Variants in HBS1L observed in about 807,000 individuals in gnomAD.
The protein encoded by HBS1L is HBS1-like protein.
HBS1L carries 55 observed loss-of-function variants against 88.9 expected under a neutral mutation model. The observed-to-expected ratio is 0.62, with a 90% CI of 0.50 to 0.77. The LOEUF (loss-of-function observed/expected upper bound fraction) is 0.77. Among genes scored for constraint, HBS1L ranks in the 30% least tolerant of loss-of-function variants. The pLI is 0.00. For synonymous variants in HBS1L, 267 were observed against 288.5 expected (o/e 0.93, Z 0.76); for missense variants, 741 against 829.3 (o/e 0.89, Z 1.31).
chr6:135,007,918 A>ACTAATCT (rs1289283304), intron 4 of HBS1L, among the ~76,000 whole-genome samples: 1 of 152,180 alleles, frequency 6.6e-6, no homozygotes. Flanking sequence ...CTGCCCTACC[A>ACTAATCT]CTAATTAGCT....
chr6:135,011,442 C>T (rs1775770917), intron 4 of HBS1L, among the ~76,000 whole-genome samples: 1 of 152,080 alleles, frequency 6.6e-6, no homozygotes, highest in Admixed American at 6.5e-5. Flanking sequence ...ATCAATTGAG[C>T]CCTGGAGTTT....
chr6:134,969,091 G>A (rs1774406739), intron 16 of HBS1L, 147 bp downstream of exon 16: 1 of 605,776 alleles, frequency 1.7e-6, no homozygotes, highest in East Asian at 2.8e-5. Context: ...TTTTATGTTT[G>A]TTTTAATCTA....
At chr6:134,994,549 A>G (rs1184955208) in intron 7 of HBS1L, among the ~76,000 whole-genome samples, 2 of 152,118 alleles carry the variant, frequency 1.3e-5, no homozygotes, top group Non-Finnish European at 2.9e-5. Flanking sequence ...ATATTTGCAT[A>G]TACAAAATGA....
chr6:134,992,747 T>C (rs1775179646), intron 8 of HBS1L, among the ~76,000 whole-genome samples: 1 of 152,168 alleles, frequency 6.6e-6, no homozygotes, highest in Non-Finnish European at 1.5e-5. Flanking sequence ...ATTTAAATGT[T>C]TATAAAGTAA....
At chr6:135,045,863 A>G (rs1057065656) in intron 2 of HBS1L, among the ~76,000 whole-genome samples, 5 of 151,970 alleles carry the variant, frequency 3.3e-5, no homozygotes, top group African/African-American at 1.2e-4. Flanking sequence ...GATTCCCAGC[A>G]GATTCATATC....
At chr6:134,999,482 C>G (rs1167413620) in intron 5 of HBS1L, among the ~76,000 whole-genome samples, 1 of 145,040 alleles carries the variant, frequency 6.9e-6, no homozygotes. Flanking sequence ...GAGTCTCCCT[C>G]TATCACCCAG....
chr6:134,966,284 C>A, intron 17 of HBS1L, 45 bp downstream of exon 17: 1 of 1,509,276 alleles, frequency 6.6e-7, no homozygotes, highest in South Asian at 1.3e-5. Context: ...AAAGAAAAGG[C>A]ATCATAACTA....
rs1028917677 is a variant in HBS1L, at chr6:134,997,578, G to C, written c.618C>G (p.Ser206=). Residue 206 remains serine (S), a synonymous_variant, in exon 6 of 18, where the codon TCC becomes TCG. Transcript: ENST00000367837. ...GPPIEDAIAS[S]DVLETASKSA... ...ATTTAGAAGCAGTCTCAAGAACATCGGAAGAAGCAATGGCATCTTCAATGG... is the reference window on the plus strand; with the variant it reads ...ATTTAGAAGCAGTCTCAAGAACATCCGAAGAAGCAATGGCATCTTCAATGG... 2 of 1,613,784 alleles carry C rather than the reference G, an allele frequency of 1.2e-6. No individual in the cohort carries two copies. Among genetic ancestry groups the C allele is most frequent in the African/African-American group, 2.7e-5 (2 of 74,862 alleles).
In HBS1L at chr6:134,961,733, G is replaced by C. The variant is rs1327997940; in HGVS notation, c.*3546C>G. 6.6e-6 allele frequency: 1 copy of C among 152,088 alleles called. No individual in the cohort carries two copies. Among genetic ancestry groups the C allele is most frequent in the Non-Finnish European group, 1.5e-5 (1 of 68,022 alleles). 9.4% of individuals were successfully genotyped at this position (152,088 alleles called of 1,614,324 possible). A position where few individuals can be genotyped will look rare whatever the true frequency, so the allele number is the denominator to read the frequency against. On this transcript the variant is annotated 3_prime_UTR_variant, in exon 18 of 18. Coordinates refer to ENST00000367837, the MANE Select transcript of HBS1L (RefSeq NM_006620.4). ...CTCACTTGAGCCCTCCTTAAAATTA[G>C]CTACATGTGCTCAAATTCTTAGCAA...
chr6:135,020,123 C>T (rs1157368894), intron 4 of HBS1L, among the ~76,000 whole-genome samples: 1 of 145,864 alleles, frequency 6.9e-6, no homozygotes, highest in Non-Finnish European at 1.5e-5. Context: ...GTAAAAGGGC[C>T]TATATAAAAA....
intron 4 of HBS1L, among the ~76,000 whole-genome samples, chr6:135,003,693 CCT>C (rs1276928717): frequency 5.3e-5 from 8 of 151,876 alleles, no homozygotes; most frequent in Non-Finnish European, 1.0e-4. Flanking sequence ...CAGTGAAACC[CCT>C]CTCTACTGAA....
intron 4 of HBS1L, among the ~76,000 whole-genome samples, chr6:135,030,460 T>C (rs1247612568): frequency 2.0e-5 from 3 of 152,084 alleles, no homozygotes; most frequent in Non-Finnish European, 4.4e-5. Context: ...TAGGTGTTCT[T>C]GGGTAGGTCT....
intron 4 of HBS1L, among the ~76,000 whole-genome samples, chr6:135,028,534 A>C (rs1208550671): frequency 6.6e-6 from 1 of 152,196 alleles, no homozygotes; most frequent in Non-Finnish European, 1.5e-5. Flanking sequence ...GAATTATTTG[A>C]AGATGAAATC....
intron 7 of HBS1L, among the ~76,000 whole-genome samples, chr6:134,995,651 A>C (rs921825173): frequency 6.6e-6 from 1 of 151,686 alleles, no homozygotes; most frequent in Non-Finnish European, 1.5e-5. Context: ...AATGCAAAGA[A>C]AACTAAAAAG....
intron 2 of HBS1L, among the ~76,000 whole-genome samples, chr6:135,043,762 G>A (rs1334321909): frequency 2.0e-5 from 3 of 152,154 alleles, no homozygotes; most frequent in Non-Finnish European, 4.4e-5. Flanking sequence ...AAAAGAATAA[G>A]AGAAATATTA....
chr6:135,041,938 A>C, intron 3 of HBS1L, 63 bp downstream of exon 3: 1 of 1,449,958 alleles, frequency 6.9e-7, no homozygotes, highest in South Asian at 1.2e-5. Context: ...TAAAACTGAT[A>C]AATTCTGGTG....
At chr6:134,968,911 A>G (rs1187407550) in intron 16 of HBS1L, among the ~76,000 whole-genome samples, 1 of 152,138 alleles carries the variant, frequency 6.6e-6, no homozygotes, top group Non-Finnish European at 1.5e-5. Flanking sequence ...GTCTAGACAT[A>G]TTTTTTTAAA....
At chr6:135,028,147 A>G (rs1283769956) in intron 4 of HBS1L, among the ~76,000 whole-genome samples, 2 of 152,162 alleles carry the variant, frequency 1.3e-5, no homozygotes, top group Non-Finnish European at 2.9e-5. Flanking sequence ...AGCAAAAAAC[A>G]TAAGGAAAAT....
chr6:135,000,237 T>TTTTC, intron 5 of HBS1L, among the ~76,000 whole-genome samples: 1 of 150,432 alleles, frequency 6.6e-6, no homozygotes, highest in African/African-American at 2.5e-5. Flanking sequence ...TTTTTTTTTT[T>TTTTC]GGTAGAGATG....
Sources: gnomAD v4.1 joint callset for allele counts (sites outside exome capture counted in the v4.1 genomes callset) on GRCh38, gnomAD v4.1.1 for gene constraint, MANE v1.5 for transcripts, NCBI Gene and HGNC (gene_info 2026-07-23, HGNC 2026-07-21) for gene names.